Variants in KCND3 observed in about 807,000 individuals in gnomAD.
KCND3 encodes the protein A-type voltage-gated potassium channel KCND3.
A neutral mutation model predicts 51.1 loss-of-function variants in KCND3; 9 were observed. The ratio of observed to expected loss-of-function variants is 0.18; its 90% confidence interval spans 0.11 to 0.31. KCND3 has a LOEUF of 0.31. Ranked by LOEUF, KCND3 falls within the 10% of genes least tolerant of loss-of-function variation. The pLI is 1.00. For missense variants in KCND3, 526 were observed against 903.8 expected, an observed-to-expected ratio of 0.58 and a Z score of 5.36; for synonymous variants, 349 against 368.0, an observed-to-expected ratio of 0.95 and a Z score of 0.59.
At chr1:111,837,636 C>T (rs1367847955) in intron 2 of KCND3, among the ~76,000 whole-genome samples, 2 of 152,162 alleles carry the variant, frequency 1.3e-5, no homozygotes, top group African/African-American at 4.8e-5. Context: ...CTGATTTAGA[C>T]TCCCAAGGGC....
At chr1:111,889,814 G>A (rs559452679) in intron 2 of KCND3, among the ~76,000 whole-genome samples, 26 of 152,112 alleles carry the variant, frequency 1.7e-4, no homozygotes, top group Admixed American at 1.2e-3. Context: ...GAAAACAACA[G>A]AGCAGAAGAC....
At chr1:111,966,084 C>T (rs1673970747) in intron 2 of KCND3, among the ~76,000 whole-genome samples, 2 of 152,178 alleles carry the variant, frequency 1.3e-5, no homozygotes, top group South Asian at 2.1e-4. Flanking sequence ...CACCACCCTG[C>T]TGCTGGCTCC....
intron 3 of KCND3, among the ~76,000 whole-genome samples, chr1:111,786,353 G>C (rs910853058): frequency 6.6e-6 from 1 of 152,216 alleles, no homozygotes; most frequent in Non-Finnish European, 1.5e-5. Flanking sequence ...ATTTTCAGCA[G>C]TGTGTATTGA....
chr1:111,927,838 A>T (rs1051495782), intron 2 of KCND3, among the ~76,000 whole-genome samples: 14 of 151,308 alleles, frequency 9.3e-5, no homozygotes, highest in African/African-American at 3.4e-4. Flanking sequence ...GCCAGGGCTC[A>T]CTCCTCTTCC....
rs369534993 is a variant in KCND3, at chr1:111,876,435, C to T, written c.1107-89329G>A. On this transcript the variant is annotated intron_variant, in intron 2 of 7. Coordinates refer to ENST00000302127, the MANE Select transcript of KCND3 (RefSeq NM_001378969.1). The stretch of plus-strand genomic sequence containing the variant: ...GGCCCAGCCCAGTGAGTGGCTAATT[C>T]ACCTCCGAGGCCCTCTTCGGATCAA... Among the ~76,000 whole-genome samples the T allele has an allele frequency of 2.4e-4, 37 of 152,328 alleles. 2 individuals carry two copies. In the East Asian group the frequency reaches 5.8e-3, roughly 24 times the overall value.
At chr1:111,954,018 G>A (rs979002191) in intron 2 of KCND3, among the ~76,000 whole-genome samples, 2 of 152,158 alleles carry the variant, frequency 1.3e-5, no homozygotes, top group African/African-American at 4.8e-5. Context: ...CCAGGATGGG[G>A]GGTGGGGGGA....
chr1:111,883,972 A>G (rs1165372211), intron 2 of KCND3, among the ~76,000 whole-genome samples: 1 of 152,286 alleles, frequency 6.6e-6, no homozygotes, highest in East Asian at 1.9e-4. Context: ...CTGCCTCACC[A>G]TCTCCGTGGG....
chr1:111,818,052 A>G (rs1477403331), intron 2 of KCND3, among the ~76,000 whole-genome samples: 9 of 139,030 alleles, frequency 6.5e-5, no homozygotes, highest in African/African-American at 2.5e-4. Flanking sequence ...ACACACACAC[A>G]CACACACACA....
At chr1:111,873,060 C>T (rs1372232916) in intron 2 of KCND3, among the ~76,000 whole-genome samples, 1 of 152,228 alleles carries the variant, frequency 6.6e-6, no homozygotes, top group African/African-American at 2.4e-5. Context: ...AGATCAGTTT[C>T]CCCAGTGGCA....
chr1:111,807,513 A>T (rs1450715428), intron 2 of KCND3, among the ~76,000 whole-genome samples: 4 of 152,062 alleles, frequency 2.6e-5, no homozygotes, highest in Non-Finnish European at 5.9e-5. Flanking sequence ...CCATCTCTAC[A>T]AAAAATACAA....
At chr1:111,967,457 C>T (rs1438930357) in intron 2 of KCND3, among the ~76,000 whole-genome samples, 3 of 152,202 alleles carry the variant, frequency 2.0e-5, no homozygotes, top group African/African-American at 7.2e-5. Flanking sequence ...AGCACGGCAC[C>T]TCAGCCCTGT....
chr1:111,782,228 C>G (rs1278287899), intron 3 of KCND3, among the ~76,000 whole-genome samples: 1 of 152,148 alleles, frequency 6.6e-6, no homozygotes, highest in East Asian at 1.9e-4. Context: ...TTCAGGTGGA[C>G]AACAGAAGCA....
intron 2 of KCND3, among the ~76,000 whole-genome samples, chr1:111,958,444 G>C (rs888557190): frequency 6.6e-6 from 1 of 152,210 alleles, no homozygotes; most frequent in Non-Finnish European, 1.5e-5. Context: ...AAGCAGAATG[G>C]AGGCCCTGTG....
intron 2 of KCND3, among the ~76,000 whole-genome samples, chr1:111,819,871 G>T (rs957112962): frequency 3.4e-4 from 51 of 152,182 alleles, no homozygotes; most frequent in African/African-American, 1.1e-3. Flanking sequence ...GTCCAAGGAT[G>T]CTTTCCACCA....
At chr1:111,818,040 G>GCACACACA (rs59035556) in intron 2 of KCND3, among the ~76,000 whole-genome samples, 2,437 of 148,054 alleles carry the variant, frequency 0.016, 34 homozygotes, top group East Asian at 0.065. Context: ...ACACGCGCGT[G>GCACACACA]CACACACACA....
intron 2 of KCND3, among the ~76,000 whole-genome samples, chr1:111,808,353 C>T (rs1404859862): frequency 6.6e-6 from 1 of 152,230 alleles, no homozygotes; most frequent in Admixed American, 6.5e-5. Flanking sequence ...CAGGTACTCA[C>T]TTATTTCCTG....
At chr1:111,937,877 A>G (rs1672298781) in intron 2 of KCND3, among the ~76,000 whole-genome samples, 1 of 152,134 alleles carries the variant, frequency 6.6e-6, no homozygotes, top group Non-Finnish European at 1.5e-5. Flanking sequence ...CTGCTCCTCC[A>G]CCCAGTCTGT....
At chr1:111,878,721 A>AGGGGTAAGGGGT (rs1484263652) in intron 2 of KCND3, among the ~76,000 whole-genome samples, 1 of 152,170 alleles carries the variant, frequency 6.6e-6, no homozygotes, top group East Asian at 1.9e-4. Flanking sequence ...ACAGCAGTTG[A>AGGGGTAAGGGGT]GGGGTAAGGG....
intron 2 of KCND3, among the ~76,000 whole-genome samples, chr1:111,920,241 G>C (rs1182482812): frequency 2.6e-5 from 4 of 152,198 alleles, no homozygotes; most frequent in Non-Finnish European, 5.9e-5. Flanking sequence ...GGGAGGGCAG[G>C]GCATGCAGCT....
Sources: gnomAD v4.1 joint callset for allele counts (sites outside exome capture counted in the v4.1 genomes callset) on GRCh38, gnomAD v4.1.1 for gene constraint, MANE v1.5 for transcripts, NCBI Gene and HGNC (gene_info 2026-07-23, HGNC 2026-07-21) for gene names.